The following PPL variants were observed in gnomAD, a reference collection of about 807,000 sequenced individuals.
PPL encodes periplakin.
PPL carries 198 observed loss-of-function variants against 194.4 expected under a neutral mutation model. The ratio of observed to expected loss-of-function variants is 1.02; its 90% CI spans 0.91 to 1.15. The LOEUF (loss-of-function observed/expected upper bound fraction) is 1.15, where lower values mean the gene tolerates loss of function less well. Ranked by LOEUF, PPL falls within the 50% of genes most tolerant of loss-of-function variation. The pLI is 0.00. For synonymous variants in PPL, 1,220 were observed against 972.4 expected (o/e 1.25, Z -4.74); for missense variants, 2,885 against 2,294.8 (o/e 1.26, Z -5.25).
intron 1 of PPL, among the ~76,000 whole-genome samples, chr16:4,920,679 T>G (rs1407025759): frequency 6.6e-6 from 1 of 152,140 alleles, no homozygotes; most frequent in African/African-American, 2.4e-5. Context: ...GCCGGGGTGG[T>G]CTTGAACTCC....
intron 9 of PPL, 94 bp from the exon 10 acceptor site, chr16:4,895,810 G>A (rs2088416743): frequency 1.3e-6 from 2 of 1,558,288 alleles, no homozygotes; most frequent in African/African-American, 2.7e-5. Context: ...AGGCGGGGCT[G>A]GGCCTCCGGT....
rs755717580 is a variant in PPL, at chr16:4,890,343, G to A, written c.2163-9C>T. On this transcript the variant is annotated splice_polypyrimidine_tract_variant and intron_variant, in intron 17 of 21. Coordinates refer to ENST00000345988, the MANE Select transcript of PPL (RefSeq NM_002705.5). The stretch of plus-strand genomic sequence containing the variant: ...TCTGTAGGCTCTGCGCCCTGTCAAG[G>A]CAAAGCGTTCAGGCCTCAGCCACAG... 8 of 1,607,368 alleles carry A rather than the reference G, an allele frequency of 5.0e-6. No individual in the cohort carries two copies. Among genetic ancestry groups the A allele is most frequent in the Non-Finnish European group, 6.8e-6 (8 of 1,176,562 alleles).
chr16:4,884,501 A>G lies in PPL; in HGVS notation c.4154T>C (p.Leu1385Pro), dbSNP rs1286327775. The part of the protein sequence containing the change: ...IDVELRQIDK[L>P]RAELRRLQRR... ...CTGCAGCCGCCGCAGCTCTGCCCGCAGCTTGTCAATCTGCCGCAGCTCCAC... is the reference window on the plus strand; with the variant it reads ...CTGCAGCCGCCGCAGCTCTGCCCGCGGCTTGTCAATCTGCCGCAGCTCCAC... Residue 1385 changes from leucine to proline, a missense_variant, in exon 22 of 22, where the codon CTG (leucine) becomes CCG (proline). Coordinates refer to ENST00000345988, the MANE Select transcript of PPL (RefSeq NM_002705.5). The surrounding 1 kb of genome is among the most constrained non-coding windows in gnomAD (Gnocchi z 5.7). 1 of 1,608,914 alleles carries G rather than the reference A, an allele frequency of 6.2e-7. No homozygotes were observed. Among genetic ancestry groups the G allele is most frequent in the Non-Finnish European group, 8.5e-7 (1 of 1,179,130 alleles).
Position 4,884,818 on chromosome 16 carries a change from C to T in PPL, c.3837G>A (p.Leu1279=), listed in dbSNP as rs1316077405. 9.3e-6 allele frequency: 15 copies of T among 1,614,140 alleles called. No individual in the cohort carries two copies. Among genetic ancestry groups the T allele is most frequent in the Non-Finnish European group, 1.1e-5 (13 of 1,180,036 alleles). The change falls in exon 22 of 22, where the codon CTG becomes CTA. Residue 1279 remains leucine (L), a synonymous_variant. Transcript: ENST00000345988. The surrounding 1 kb of genome is among the most constrained non-coding windows in gnomAD (Gnocchi z 5.7). ...IYQLKKEIQA[L]KDTKPQVQTK... ...TCTGGACCTGGGGTTTGGTGTCTTT[C>T]AGGGCCTGGATTTCCTTTTTCAGCT...
At position 4,892,086 on chromosome 16, in the gene PPL, G is replaced by C. The variant is rs114244988; in HGVS notation, c.1778C>G (p.Thr593Ser). ...CAGGAGGTGCTCGTATTTCCGGTTG[G>C]TGTCCTCCACCCGGGTCCTCAGCAG... is the stretch of plus-strand genomic sequence containing the variant. Reference protein sequence around the residue: ...TPLLRTRVEDTNRKYEHLLQL... With the variant: ...TPLLRTRVEDSNRKYEHLLQL... The change falls in exon 15 of 22, where the codon ACC (threonine) becomes AGC (serine). Residue 593 changes from threonine to serine, a missense_variant. By Grantham distance (58) the Thr-to-Ser change is moderately conservative. Transcript: ENST00000345988. 3.1e-4 allele frequency: 500 copies of C among 1,613,776 alleles called. 5 individuals are homozygous for C. The African/African-American group carries it at 4.3e-3, about 14-fold the overall frequency.
At position 4,884,629 on chromosome 16, in the gene PPL, C is replaced by A. The variant is rs1400490707; in HGVS notation, c.4026G>T (p.Glu1342Asp). The stretch of plus-strand genomic sequence containing the variant: ...CCACCCTTTCCTTCACCCGCGAGAG[C>A]TCCTCCTCTTTCCGGGCGATCTGCT... ...QEEQIARKEEELSRVKERVVQ... is the reference protein window; with the variant it reads ...QEEQIARKEEDLSRVKERVVQ... Residue 1342 changes from glutamate (E) to aspartate (D), a missense_variant, in exon 22 of 22, where the codon GAG (glutamate) becomes GAT (aspartate). Coordinates refer to ENST00000345988, the MANE Select transcript of PPL (RefSeq NM_002705.5). This position sits in a 1 kb window ranked among gnomAD's most constrained non-coding sequence, Gnocchi z 5.7. 2 of 1,613,906 alleles carry A rather than the reference C, an allele frequency of 1.2e-6. No homozygotes were observed. The highest frequency in any genetic ancestry group is 1.7e-6 in the Non-Finnish European group (2 of 1,179,944).
rs763272585 is a variant in PPL, at chr16:4,884,406, C to T, written c.4249G>A (p.Glu1417Lys). Residue 1417 changes from glutamate (E) to lysine (K), a missense_variant, in exon 22 of 22, where the codon GAG (glutamate) becomes AAG (lysine). By Grantham distance (56) the Glu-to-Lys change is moderately conservative. Transcript: ENST00000345988. This position sits in a 1 kb window ranked among gnomAD's most constrained non-coding sequence, Gnocchi z 5.7. ...TGCTGCAACCGCTGTACCTCGCGCT[C>T]GGCCTCCCTGCGGGCCTGCCGCTCG... Reference protein sequence around the residue: ...ERERQARREAEREVQRLQQRL... With the variant: ...ERERQARREAKREVQRLQQRL... 1.3e-5 allele frequency: 21 copies of T among 1,607,484 alleles called. No homozygotes were observed. The highest frequency in any genetic ancestry group is 5.5e-5 in the South Asian group (5 of 90,878).
Position 4,902,267 on chromosome 16 carries a change from A to G in PPL, c.438+139T>C. 1 of 1,351,426 alleles carries G rather than the reference A, an allele frequency of 7.4e-7. No individual in the cohort carries two copies. The highest frequency in any genetic ancestry group is 1.5e-5 in the South Asian group (1 of 68,864). The allele number at this position is 1,351,426 out of a possible 1,614,324, so 83.7% of individuals were successfully genotyped here. On this transcript the variant is annotated intron_variant, in intron 4 of 21. Coordinates refer to ENST00000345988, the MANE Select transcript of PPL (RefSeq NM_002705.5). The surrounding 1 kb of genome is among the most constrained non-coding windows in gnomAD (Gnocchi z 4.0). ...TCTGAGCCTCACTCTTCTCATGGGC[A>G]CACTGGAAAACCATCAGGACCACGA...
Position 4,884,717 on chromosome 16 carries a change from G to C in PPL, c.3938C>G (p.Ala1313Gly), listed in dbSNP as rs775790501. 5.0e-6 allele frequency: 8 copies of C among 1,614,060 alleles called. No homozygotes were observed. The East Asian group carries it at 1.6e-4, about 31-fold the overall frequency. Residue 1313 changes from alanine (A) to glycine (G), a missense_variant, in exon 22 of 22, where the codon GCA (alanine) becomes GGA (glycine). Ala to Gly is a moderately conservative substitution (Grantham distance 60). Transcript: ENST00000345988. This position sits in a 1 kb window ranked among gnomAD's most constrained non-coding sequence, Gnocchi z 5.7. ...QTKEEVASLR[A>G]KLSEEQKKQV... Reference sequence around the variant, plus strand: ...TTTCTTCTGCTCCTCTGAGAGCTTTGCCCTCAGAGACGCCACCTCCTCCTT... The same window carrying C: ...TTTCTTCTGCTCCTCTGAGAGCTTTCCCCTCAGAGACGCCACCTCCTCCTT...
chr16:4,907,351 C>T (rs2088711387), intron 2 of PPL, among the ~76,000 whole-genome samples: 1 of 143,524 alleles, frequency 7.0e-6, no homozygotes, highest in African/African-American at 2.7e-5. Flanking sequence ...CACACACACA[C>T]ACACGGACAG....
chr16:4,932,202 G>A (rs1225430822), intron 1 of PPL, among the ~76,000 whole-genome samples: 3 of 152,184 alleles, frequency 2.0e-5, no homozygotes, highest in Admixed American at 6.5e-5. Context: ...TGGCAGGCCC[G>A]CTGTCAGAAT....
chr16:4,903,399 G>A (rs185366188), intron 3 of PPL, among the ~76,000 whole-genome samples: 8 of 152,124 alleles, frequency 5.3e-5, no homozygotes, highest in Non-Finnish European at 1.0e-4. Flanking sequence ...GCAAAATAGG[G>A]TCATCAAGAG....
At chr16:4,935,183 G>T (rs1379081201) in intron 1 of PPL, among the ~76,000 whole-genome samples, 2 of 152,192 alleles carry the variant, frequency 1.3e-5, no homozygotes, top group African/African-American at 4.8e-5. Context: ...TAAAGGATGG[G>T]ATGCCTTTCA....
chr16:4,923,816 C>A (rs550828015), intron 1 of PPL, among the ~76,000 whole-genome samples: 12 of 152,094 alleles, frequency 7.9e-5, no homozygotes, highest in African/African-American at 2.9e-4. Flanking sequence ...TGGGTGTGGC[C>A]GCACCATGAT....
intron 1 of PPL, among the ~76,000 whole-genome samples, chr16:4,923,435 C>T (rs1237014628): frequency 1.3e-5 from 2 of 152,182 alleles, no homozygotes; most frequent in Non-Finnish European, 2.9e-5. Flanking sequence ...CTCCTGCCCC[C>T]AGGAGAGACG....
chr16:4,894,165 A>G (rs1281167640), intron 12 of PPL, among the ~76,000 whole-genome samples: 1 of 152,182 alleles, frequency 6.6e-6, no homozygotes, highest in Non-Finnish European at 1.5e-5. Flanking sequence ...TCCTCCAGCC[A>G]AGGGGCTGGG....
Position 4,883,943 on chromosome 16 carries a change from T to C in PPL, c.4712A>G (p.Glu1571Gly). ...GGTCTCCAGCTGCAGGTTTTGCCTCTCCAGCTGTAATTTGTGGTTCTCTTC... is the reference window on the plus strand; with the variant it reads ...GGTCTCCAGCTGCAGGTTTTGCCTCCCCAGCTGTAATTTGTGGTTCTCTTC... ...LREENHKLQL[E>G]RQNLQLETRR... The change falls in exon 22 of 22, where the codon GAG becomes GGG. Residue 1571 changes from glutamate (E) to glycine (G), a missense_variant. Physicochemically the swap from Glu to Gly is moderately conservative, Grantham distance 98 (BLOSUM62 -2). Transcript: ENST00000345988. The surrounding 1 kb of genome is among the most constrained non-coding windows in gnomAD (Gnocchi z 4.8). 6.2e-7 allele frequency: 1 copy of C among 1,614,082 alleles called. No individual in the cohort carries two copies. Among genetic ancestry groups the C allele is most frequent in the Non-Finnish European group, 8.5e-7 (1 of 1,180,020 alleles).
intron 1 of PPL, among the ~76,000 whole-genome samples, chr16:4,912,729 G>T (rs1311887544): frequency 6.6e-6 from 1 of 152,252 alleles, no homozygotes; most frequent in African/African-American, 2.4e-5. Context: ...ACACTGGGCT[G>T]CCCGCTGTTA....
intron 1 of PPL, among the ~76,000 whole-genome samples, chr16:4,936,678 G>A (rs1209741755): frequency 3.3e-5 from 5 of 152,074 alleles, no homozygotes; most frequent in Admixed American, 3.3e-4. Flanking sequence ...GGACACGGGG[G>A]TGCCCTGTAC....
Sources: allele counts gnomAD v4.1 joint callset (sites outside exome capture counted in the v4.1 genomes callset), GRCh38; gene constraint gnomAD v4.1.1; non-coding constraint Gnocchi (gnomAD v3.1); transcripts MANE v1.5; gene names NCBI Gene and HGNC (gene_info 2026-07-23, HGNC 2026-07-21).